Variants in GNA12 observed in about 807,000 individuals in gnomAD.
GNA12 encodes the protein G protein subunit alpha 12.
A neutral mutation model predicts 26.0 loss-of-function variants in GNA12; 9 were observed. The observed-to-expected ratio is 0.35, with a 90% CI of 0.21 to 0.60. The LOEUF (loss-of-function observed/expected upper bound fraction) is 0.60, where lower values mean the gene tolerates loss of function less well. Among genes scored for constraint, GNA12 ranks in the 20% least tolerant of loss-of-function variants. The probability of loss-of-function intolerance (pLI) is 0.78; values close to 1 mark genes in which losing one functional copy is unlikely to be tolerated. For synonymous variants in GNA12, 264 were observed against 219.6 expected (o/e 1.20, Z -1.79); for missense variants, 405 against 525.8 (o/e 0.77, Z 2.25).
At chr7:2,775,531 G>C (rs1171000652) in intron 2 of GNA12, 1 of 152,200 alleles carries the variant, frequency 6.6e-6, no homozygotes, top group African/African-American at 2.4e-5. Context: ...AAAAGGCCTG[G>C]AGCCGAAGCA....
intron 1 of GNA12, among the ~76,000 whole-genome samples, chr7:2,807,505 T>A (rs1246288009): frequency 6.6e-6 from 1 of 151,880 alleles, no homozygotes; most frequent in African/African-American, 2.4e-5. Context: ...TTGAATTTGA[T>A]GGGAGATTTA....
intron 1 of GNA12, among the ~76,000 whole-genome samples, chr7:2,820,577 A>T (rs929978195): frequency 6.6e-6 from 1 of 152,142 alleles, no homozygotes; most frequent in African/African-American, 2.4e-5. Context: ...TGAAAAAGAA[A>T]GTCCCAAGCG....
At chr7:2,803,826 A>G (rs1792876232) in intron 1 of GNA12, among the ~76,000 whole-genome samples, 1 of 152,130 alleles carries the variant, frequency 6.6e-6, no homozygotes. Context: ...ACAAACAAAA[A>G]AACAACTCCA....
chr7:2,836,037 T>C (rs1778827957), intron 1 of GNA12: 3 of 281,692 alleles, frequency 1.1e-5, no homozygotes, highest in South Asian at 9.4e-5. Flanking sequence ...CATTTTATAA[T>C]ACTTAAAAAA....
At chr7:2,794,468 T>C (rs1792600461) in intron 2 of GNA12, among the ~76,000 whole-genome samples, 2 of 152,156 alleles carry the variant, frequency 1.3e-5, no homozygotes, top group South Asian at 4.1e-4. Context: ...TTTGTGAAGT[T>C]TTTAGACCTT....
intron 2 of GNA12, among the ~76,000 whole-genome samples, chr7:2,773,210 T>C (rs370317861): frequency 6.6e-6 from 1 of 152,242 alleles, no homozygotes; most frequent in South Asian, 2.1e-4. Flanking sequence ...GTAAATCTCA[T>C]TGTGTTGTAT....
At chr7:2,784,947 C>T (rs904092202) in intron 2 of GNA12, among the ~76,000 whole-genome samples, 2 of 152,188 alleles carry the variant, frequency 1.3e-5, no homozygotes, top group Non-Finnish European at 2.9e-5. Context: ...AACTCTATTA[C>T]ATCACACATT....
intron 2 of GNA12, among the ~76,000 whole-genome samples, chr7:2,740,922 G>A (rs867342191): frequency 6.6e-6 from 1 of 152,156 alleles, no homozygotes; most frequent in Non-Finnish European, 1.5e-5. Context: ...GCAGGTGCCT[G>A]TAGTCCCAGC....
chr7:2,752,150 C>A (rs901212831), intron 2 of GNA12, among the ~76,000 whole-genome samples: 7 of 151,870 alleles, frequency 4.6e-5, no homozygotes, highest in Admixed American at 2.6e-4. Flanking sequence ...TAGAAGACAG[C>A]CACTATTTTA....
At chr7:2,808,921 G>A (rs1238857710) in intron 1 of GNA12, among the ~76,000 whole-genome samples, 5 of 152,136 alleles carry the variant, frequency 3.3e-5, no homozygotes, top group African/African-American at 4.8e-5. Context: ...TCTGCCTCAG[G>A]CCTTTGCACT....
intron 2 of GNA12, among the ~76,000 whole-genome samples, chr7:2,790,578 C>G (rs1562430285): frequency 6.6e-6 from 1 of 152,194 alleles, no homozygotes; most frequent in East Asian, 1.9e-4. Flanking sequence ...AGGACTATGA[C>G]ATACAAATCC....
intron 1 of GNA12, among the ~76,000 whole-genome samples, chr7:2,830,223 A>G (rs1209099971): frequency 6.6e-6 from 1 of 150,974 alleles, no homozygotes; most frequent in Admixed American, 6.5e-5. Flanking sequence ...GGGTCAGGAA[A>G]TGCACTACAC....
intron 1 of GNA12, among the ~76,000 whole-genome samples, chr7:2,832,434 T>G (rs1583316254): frequency 6.6e-6 from 1 of 152,210 alleles, no homozygotes; most frequent in Non-Finnish European, 1.5e-5. Flanking sequence ...CAACCTCCAC[T>G]GACTGCCCCA....
chr7:2,806,247 G>C (rs1792943977), intron 1 of GNA12, among the ~76,000 whole-genome samples: 1 of 152,108 alleles, frequency 6.6e-6, no homozygotes, highest in African/African-American at 2.4e-5. Flanking sequence ...GGGAAGCCAA[G>C]GCAGGCAGAT....
intron 1 of GNA12, among the ~76,000 whole-genome samples, chr7:2,799,232 C>A (rs1441591170): frequency 1.3e-5 from 2 of 152,184 alleles, no homozygotes; most frequent in African/African-American, 4.8e-5. Context: ...TTGCCAACCA[C>A]ACATCTGCCA....
At position 2,766,385 on chromosome 7, in the gene GNA12, GC is replaced by G. The variant is rs1383641386; in HGVS notation, c.525+28542del. 8.7e-5 allele frequency among the ~76,000 whole-genome samples: 12 copies of G among 137,722 alleles called. No individual in the cohort carries two copies. In the East Asian group the frequency reaches 2.4e-3, roughly 28 times the overall value. 90.4% of individuals were successfully genotyped at this position (137,722 alleles called of 152,430 possible). On this transcript the variant is annotated intron_variant, in intron 2 of 3. Coordinates refer to ENST00000275364, the MANE Select transcript of GNA12 (RefSeq NM_007353.3). ...ATTGATGAACATTTGGGTTGCTTCC[GC>G]CTTTTTTTTTTTTTTTTTGAGACGG...
intron 2 of GNA12, among the ~76,000 whole-genome samples, chr7:2,770,418 G>A (rs1262412296): frequency 1.3e-5 from 2 of 152,154 alleles, no homozygotes; most frequent in Admixed American, 1.3e-4. Flanking sequence ...GTTCAGCTAG[G>A]CTTGTGACAG....
At chr7:2,770,945 C>A (rs1791932634) in intron 2 of GNA12, among the ~76,000 whole-genome samples, 1 of 152,150 alleles carries the variant, frequency 6.6e-6, no homozygotes, top group Non-Finnish European at 1.5e-5. Context: ...GCTCTGATGA[C>A]TCCTTGCAGA....
At chr7:2,793,068 T>C (rs917888695) in intron 2 of GNA12, among the ~76,000 whole-genome samples, 7 of 152,150 alleles carry the variant, frequency 4.6e-5, no homozygotes, top group African/African-American at 9.7e-5. Context: ...GCGGTTTCTG[T>C]GCCAAAAAAA....
Sources: allele counts gnomAD v4.1 joint callset (sites outside exome capture counted in the v4.1 genomes callset), GRCh38; gene constraint gnomAD v4.1.1; transcripts MANE v1.5; gene names NCBI Gene and HGNC (gene_info 2026-07-23, HGNC 2026-07-21).